Variants in KCNK12 observed in about 807,000 individuals in gnomAD.
KCNK12 encodes the protein potassium channel subfamily K member 12.
In KCNK12, 6 loss-of-function variants were observed where a neutral mutation model predicts 25.3. The ratio of observed to expected loss-of-function variants is 0.24; its 90% CI spans 0.13 to 0.47. KCNK12 has a LOEUF of 0.47. Among genes scored for constraint, KCNK12 ranks in the 20% least tolerant of loss-of-function variants. KCNK12 has a pLI of 0.99. For synonymous variants in KCNK12, 331 were observed against 311.1 expected, an observed-to-expected ratio of 1.06 and a Z score of -0.67; for missense variants, 444 against 661.7, an observed-to-expected ratio of 0.67 and a Z score of 3.61.
In KCNK12 at chr2:47,562,309, A is replaced by G; in HGVS notation, c.391+7632T>C. On this transcript the variant is annotated intron_variant, in intron 1 of 1. Coordinates refer to ENST00000327876, the MANE Select transcript of KCNK12 (RefSeq NM_022055.2). This position sits in a 1 kb window ranked among gnomAD's most constrained non-coding sequence, Gnocchi z 4.8. ...ATAAAGACACTGTGAACATTGTAAA[A>G]TCTGCAATTACAAGATTCTGGATGC... 2.5e-6 allele frequency: 1 copy of G among 392,472 alleles called. No homozygotes were observed. The highest frequency in any genetic ancestry group is 4.5e-6 in the Non-Finnish European group (1 of 222,766). 24.3% of individuals were successfully genotyped at this position (392,472 alleles called of 1,614,324 possible).
intron 1 of KCNK12, among the ~76,000 whole-genome samples, chr2:47,536,195 G>A (rs1347514913): frequency 2.0e-5 from 3 of 152,200 alleles, no homozygotes; most frequent in Admixed American, 6.5e-5. Flanking sequence ...TTCAAGGTCA[G>A]GAATGACTTA....
chr2:47,547,818 G>C lies in KCNK12; in HGVS notation c.391+22123C>G, dbSNP rs1418854846. Reference sequence around the variant, plus strand: ...TCACCGTGTTGGCCAGGCTGGTCTCGAACTCCTACCACATATAAGTGGTTC... The same window carrying C: ...TCACCGTGTTGGCCAGGCTGGTCTCCAACTCCTACCACATATAAGTGGTTC... On this transcript the variant is annotated intron_variant, in intron 1 of 1. Transcript: ENST00000327876. This position sits in a 1 kb window ranked among gnomAD's most constrained non-coding sequence, Gnocchi z 5.0. Among the ~76,000 whole-genome samples the C allele has an allele frequency of 6.6e-6, 1 of 152,066 alleles. No homozygotes were observed. The highest frequency in any genetic ancestry group is 1.5e-5 in the Non-Finnish European group (1 of 67,990).
At chr2:47,559,575 T>C (rs1016643192) in intron 1 of KCNK12, among the ~76,000 whole-genome samples, 5 of 152,234 alleles carry the variant, frequency 3.3e-5, no homozygotes, top group South Asian at 2.1e-4. Flanking sequence ...GCTGCTGCCA[T>C]GATGGTTATT....
rs890267142 is a variant in KCNK12, at chr2:47,528,827, A to G, written c.392-7019T>C. On this transcript the variant is annotated intron_variant, in intron 1 of 1. Coordinates refer to ENST00000327876, the MANE Select transcript of KCNK12 (RefSeq NM_022055.2). The surrounding 1 kb of genome is among the most constrained non-coding windows in gnomAD (Gnocchi z 4.5). ...GCCTTCGGAGTTCAGCTCAGAGAGC[A>G]TGGAAGTGAGATGGAGAGGCCAGCA... Among the ~76,000 whole-genome samples, 4 of 152,168 alleles carry G rather than the reference A, an allele frequency of 2.6e-5. No individual in the cohort carries two copies. Among genetic ancestry groups the G allele is most frequent in the Non-Finnish European group, 5.9e-5 (4 of 68,036 alleles).
chr2:47,531,518 G>A lies in KCNK12; in HGVS notation c.392-9710C>T, dbSNP rs117776845. Among the ~76,000 whole-genome samples, 35 of 151,980 alleles carry A rather than the reference G, an allele frequency of 2.3e-4. No individual in the cohort carries two copies. The East Asian group carries it at 6.6e-3, about 29-fold the overall frequency. On this transcript the variant is annotated intron_variant, in intron 1 of 1. Transcript: ENST00000327876. ...TGGGATTTCAAGAGATTGACAGGGA[G>A]CAGAGGCCTAGGCTTGGGAAAGGCA...
At chr2:47,531,067 C>T (rs1668913942) in intron 1 of KCNK12, among the ~76,000 whole-genome samples, 1 of 152,150 alleles carries the variant, frequency 6.6e-6, no homozygotes. Flanking sequence ...GAAAATAATC[C>T]CCAATCCCCG....
In KCNK12 at chr2:47,510,410, A is replaced by T. The variant is rs1490284082; in HGVS notation, c.*10497T>A. On this transcript the variant is annotated 3_prime_UTR_variant, in exon 2 of 2. Transcript: ENST00000327876. ...TTACAGTTGAATGCTTTCATAACTG[A>T]TACAGGAGGGACCCTGTGATTGGCA... is the stretch of plus-strand genomic sequence containing the variant. The T allele has an allele frequency of 6.6e-6, 1 of 152,198 alleles. No homozygotes were observed. The highest frequency in any genetic ancestry group is 1.5e-5 in the Non-Finnish European group (1 of 68,036). 9.4% of individuals were successfully genotyped at this position (152,198 alleles called of 1,614,324 possible). A position where few individuals can be genotyped will look rare whatever the true frequency, so the allele number is the denominator to read the frequency against.
intron 1 of KCNK12, among the ~76,000 whole-genome samples, chr2:47,537,943 G>A (rs1171964569): frequency 6.6e-6 from 1 of 152,176 alleles, no homozygotes; most frequent in East Asian, 1.9e-4. Flanking sequence ...AGGCAGTTGG[G>A]CACAAGGTCT....
rs1048878213 is a variant in KCNK12 at position 47,520,063 on chromosome 2, A to C, written c.*844T>G. 1 of 152,226 alleles carries C rather than the reference A, an allele frequency of 6.6e-6. No homozygotes were observed. Among genetic ancestry groups the C allele is most frequent in the Non-Finnish European group, 1.5e-5 (1 of 68,036 alleles). 9.4% of individuals were successfully genotyped at this position (152,226 alleles called of 1,614,324 possible). A position where few individuals can be genotyped will look rare whatever the true frequency, so the allele number is the denominator to read the frequency against. ...ATATTCCTGGTTAATATTGAAAAGCACTGCTGTGGATGAGCTTGTGAAAGA... is the reference window on the plus strand; with the variant it reads ...ATATTCCTGGTTAATATTGAAAAGCCCTGCTGTGGATGAGCTTGTGAAAGA... On this transcript the variant is annotated 3_prime_UTR_variant, in exon 2 of 2. Coordinates refer to ENST00000327876, the MANE Select transcript of KCNK12 (RefSeq NM_022055.2). This position sits in a 1 kb window ranked among gnomAD's most constrained non-coding sequence, Gnocchi z 5.0.
rs553818343 is a variant in KCNK12, at chr2:47,556,832, G to A, written c.391+13109C>T. Among the ~76,000 whole-genome samples, 40 of 152,284 alleles carry A rather than the reference G, an allele frequency of 2.6e-4. No homozygotes were observed. The highest frequency in any genetic ancestry group is 9.4e-4 in the African/African-American group (39 of 41,558). On this transcript the variant is annotated intron_variant, in intron 1 of 1. Coordinates refer to ENST00000327876, the MANE Select transcript of KCNK12 (RefSeq NM_022055.2). This position sits in a 1 kb window ranked among gnomAD's most constrained non-coding sequence, Gnocchi z 4.8. ...CCCAAACAGGGTGATATCAGAGGAT[G>A]GGAGCTGGAAGCATGGGAGGTGGTG...
chr2:47,511,502 G>T lies in KCNK12; in HGVS notation c.*9405C>A, dbSNP rs1042240493. Among the ~76,000 whole-genome samples the T allele has an allele frequency of 1.5e-4, 23 of 152,112 alleles. No individual in the cohort carries two copies. Among genetic ancestry groups the T allele is most frequent in the Admixed American group, 3.9e-4 (6 of 15,274 alleles). ...CATCTGTGGTGTCTGTGGTGGGAGG[G>T]GCTTCCATATTACAGAGAGATGCCC... On this transcript the variant is annotated 3_prime_UTR_variant, in exon 2 of 2. Coordinates refer to ENST00000327876, the MANE Select transcript of KCNK12 (RefSeq NM_022055.2). This position sits in a 1 kb window ranked among gnomAD's most constrained non-coding sequence, Gnocchi z 4.3.
In KCNK12 at chr2:47,517,232, C is replaced by T. The variant is rs772531333; in HGVS notation, c.*3675G>A. ...TGCCTGACTGGGCTGCCGTCTGCCT[C>T]AGTTCCCCAGAAGCTTCTCCTTTGG... On this transcript the variant is annotated 3_prime_UTR_variant, in exon 2 of 2. Transcript: ENST00000327876. The surrounding 1 kb of genome is among the most constrained non-coding windows in gnomAD (Gnocchi z 4.1). 4.6e-5 allele frequency: 7 copies of T among 152,232 alleles called. No individual in the cohort carries two copies. Among genetic ancestry groups the T allele is most frequent in the Non-Finnish European group, 7.3e-5 (5 of 68,064 alleles). 9.4% of individuals were successfully genotyped at this position (152,232 alleles called of 1,614,324 possible). A position where few individuals can be genotyped will look rare whatever the true frequency, so the allele number is the denominator to read the frequency against.
At chr2:47,532,495 G>A (rs994337627) in intron 1 of KCNK12, among the ~76,000 whole-genome samples, 1 of 152,116 alleles carries the variant, frequency 6.6e-6, no homozygotes, top group African/African-American at 2.4e-5. Context: ...CAGAGTAGCT[G>A]GGACTACAGG....
chr2:47,560,137 C>T lies in KCNK12; in HGVS notation c.391+9804G>A, dbSNP rs916930445. ...CCTTGCTGGTGTGCTTAAGGGAGGC[C>T]CTCCTGTTTTTTTGGTTTTCTGTCC... On this transcript the variant is annotated intron_variant, in intron 1 of 1. Transcript: ENST00000327876. The surrounding 1 kb of genome is among the most constrained non-coding windows in gnomAD (Gnocchi z 4.7). Among the ~76,000 whole-genome samples, 2 of 152,118 alleles carry T rather than the reference C, an allele frequency of 1.3e-5. No homozygotes were observed. Among genetic ancestry groups the T allele is most frequent in the African/African-American group, 2.4e-5 (1 of 41,404 alleles).
intron 1 of KCNK12, among the ~76,000 whole-genome samples, chr2:47,553,419 G>A (rs955048866): frequency 6.6e-6 from 1 of 152,008 alleles, no homozygotes; most frequent in African/African-American, 2.4e-5. Context: ...TGGGGTGGGG[G>A]GGCACCCAGG....
At chr2:47,524,295 G>A (rs1318455684) in intron 1 of KCNK12, among the ~76,000 whole-genome samples, 1 of 152,124 alleles carries the variant, frequency 6.6e-6, no homozygotes, top group Non-Finnish European at 1.5e-5. Context: ...TTTATAAAAC[G>A]TTTTAGACCA....
At chr2:47,549,825 T>C (rs948084227) in intron 1 of KCNK12, among the ~76,000 whole-genome samples, 9 of 151,482 alleles carry the variant, frequency 5.9e-5, no homozygotes, top group African/African-American at 2.2e-4. Flanking sequence ...TTCTAGCTAC[T>C]CAGGAGGCTG....
intron 1 of KCNK12, among the ~76,000 whole-genome samples, chr2:47,546,256 A>ATTAC (rs1669312644): frequency 6.6e-6 from 1 of 152,242 alleles, no homozygotes; most frequent in South Asian, 2.1e-4. Context: ...TGGTTATGCT[A>ATTAC]TTACTTTCCA....
chr2:47,534,322 A>T (rs1573635768), intron 1 of KCNK12, among the ~76,000 whole-genome samples: 1 of 151,004 alleles, frequency 6.6e-6, no homozygotes, highest in African/African-American at 2.4e-5. Context: ...CCGGTTAACC[A>T]CTCCTGCCTC....
Sources: allele counts gnomAD v4.1 joint callset (sites outside exome capture counted in the v4.1 genomes callset), GRCh38; gene constraint gnomAD v4.1.1; non-coding constraint Gnocchi (gnomAD v3.1); transcripts MANE v1.5; gene names NCBI Gene and HGNC (gene_info 2026-07-23, HGNC 2026-07-21).